The following BPIFB1 variants were observed in gnomAD, a reference collection of about 807,000 sequenced individuals.
BPIFB1 encodes the protein BPI fold containing family B member 1.
In BPIFB1, 34 loss-of-function variants were observed where a neutral mutation model predicts 55.1. The observed-to-expected ratio is 0.62, with a 90% CI of 0.47 to 0.82. The LOEUF is 0.82. Ranked by LOEUF, BPIFB1 falls within the 40% of genes least tolerant of loss-of-function variation. BPIFB1 has a pLI of 0.00. For synonymous variants in BPIFB1, 236 were observed against 245.3 expected (o/e 0.96, Z 0.35); for missense variants, 532 against 593.1 (o/e 0.90, Z 1.07).
At chr20:33,287,939 A>G (rs909181783) in intron 2 of BPIFB1, among the ~76,000 whole-genome samples, 15 of 152,214 alleles carry the variant, frequency 9.9e-5, no homozygotes, top group African/African-American at 3.4e-4. Flanking sequence ...ACTGTGCCAA[A>G]TGGCAAAAAA....
At chr20:33,299,205 G>T (rs760433430) in intron 7 of BPIFB1, 3 of 456,468 alleles carry the variant, frequency 6.6e-6, no homozygotes, top group South Asian at 4.6e-5. Context: ...CCCGAGGACG[G>T]GCCCGGAGGT....
chr20:33,306,162 C>A, intron 14 of BPIFB1, 97 bp downstream of exon 14: 1 of 1,270,406 alleles, frequency 7.9e-7, no homozygotes, highest in Non-Finnish European at 1.2e-6. Flanking sequence ...TCATTCATCT[C>A]CCAGCCATCC....
intron 9 of BPIFB1, 79 bp downstream of exon 9, chr20:33,301,491 G>A (rs1309449500): frequency 7.7e-5 from 106 of 1,372,998 alleles, no homozygotes; most frequent in Non-Finnish European, 1.0e-4. Context: ...GTGCCCCTAA[G>A]CAGGAATCCT....
At position 33,304,911 on chromosome 20, in the gene BPIFB1, G is replaced by A. The variant is rs1325163374; in HGVS notation, c.1254+20G>A. The A allele has an allele frequency of 1.1e-5, 18 of 1,613,646 alleles. No homozygotes were observed. The highest frequency in any genetic ancestry group is 2.2e-5 in the East Asian group (1 of 44,896). On this transcript the variant is annotated intron_variant, in intron 13 of 15. Coordinates refer to ENST00000253354, the MANE Select transcript of BPIFB1 (RefSeq NM_033197.3). ...TTCCAAGTAAGTGTTAACAGGTGGT[G>A]CCTGAGGGCACAGGGGGTGGCCTGG...
intron 8 of BPIFB1, among the ~76,000 whole-genome samples, chr20:33,300,784 C>T (rs1162307701): frequency 2.0e-5 from 3 of 152,030 alleles, no homozygotes; most frequent in African/African-American, 7.2e-5. Context: ...GATGGGGTTC[C>T]GCCATGTTGC....
intron 12 of BPIFB1, among the ~76,000 whole-genome samples, chr20:33,304,453 G>A (rs1366629344): frequency 6.6e-6 from 1 of 152,202 alleles, no homozygotes; most frequent in Non-Finnish European, 1.5e-5. Flanking sequence ...GCCCACATAG[G>A]GCTGGGCTGT....
Position 33,286,142 on chromosome 20 carries a change from C to T in BPIFB1, c.69C>T (p.Leu23=), listed in dbSNP as rs1311344767. 6.2e-7 allele frequency: 1 copy of T among 1,614,120 alleles called. No homozygotes were observed. The highest frequency in any genetic ancestry group is 1.7e-5 in the Admixed American group (1 of 60,014). ...CAGCCACCTTGATCCAAGCCACCCT[C>T]AGTCCCACTGCAGTTCTCATCCTCG... ...LLAATLIQAT[L]SPTAVLILGP... is the part of the protein sequence containing the mutation. Residue 23 remains leucine (L), a synonymous_variant, in exon 2 of 16, where the codon CTC becomes CTT. Coordinates refer to ENST00000253354, the MANE Select transcript of BPIFB1 (RefSeq NM_033197.3).
rs776047607 is a variant in BPIFB1, at chr20:33,291,046, G to A, written c.455G>A (p.Arg152His). ...GACACCAGTGCAAGTGGCCCCACCC[G>A]CCTGGTCCTCAGTGACTGTGCCACC... ...RMDTSASGPT[R>H]LVLSDCATSH... Residue 152 changes from arginine (R) to histidine (H), a missense_variant, in exon 5 of 16, where the codon CGC (arginine) becomes CAC (histidine). Arg to His is a conservative substitution (Grantham distance 29). Coordinates refer to ENST00000253354, the MANE Select transcript of BPIFB1 (RefSeq NM_033197.3). The A allele has an allele frequency of 9.9e-6, 16 of 1,613,454 alleles. No individual in the cohort carries two copies. In the Admixed American group the frequency reaches 1.0e-4, roughly 10 times the overall value.
intron 1 of BPIFB1, among the ~76,000 whole-genome samples, chr20:33,285,583 T>A (rs1357255875): frequency 6.7e-6 from 1 of 149,928 alleles, no homozygotes; most frequent in Admixed American, 6.6e-5. Flanking sequence ...CCTGGCGCGG[T>A]GGTGGGTGTC....
Position 33,288,898 on chromosome 20 carries a change from C to G in BPIFB1, c.257+16C>G. 2 of 1,609,470 alleles carry G rather than the reference C, an allele frequency of 1.2e-6. No homozygotes were observed. Among genetic ancestry groups the G allele is most frequent in the Non-Finnish European group, 1.7e-6 (2 of 1,178,258 alleles). ...ACATCATCTGGTGAGTGGAGCAGGA[C>G]CACACCAGGAGCTAGCCCCTTCCCA... On this transcript the variant is annotated intron_variant, in intron 3 of 15. Transcript: ENST00000253354.
Position 33,297,566 on chromosome 20 carries a change from A to C in BPIFB1, c.639A>C (p.Ala213=). 6.2e-7 allele frequency: 1 copy of C among 1,614,216 alleles called. No homozygotes were observed. Among genetic ancestry groups the C allele is most frequent in the Non-Finnish European group, 8.5e-7 (1 of 1,180,026 alleles). Residue 213 remains alanine (A), a synonymous_variant, in exon 7 of 16, where the codon GCA becomes GCC. Transcript: ENST00000253354. ...VIEASFNGMY[A]DLLQLVKVPI... ...AGGCTTCCTTCAATGGCATGTATGC[A>C]GACCTCCTGCAGCTGGTGAAGGGTA...
At chr20:33,289,794 C>A in intron 3 of BPIFB1, 91 bp from the exon 4 acceptor site, 1 of 1,239,276 alleles carries the variant, frequency 8.1e-7, no homozygotes, top group Non-Finnish European at 1.2e-6. Flanking sequence ...GCTGCCTAGG[C>A]ACCCCAGGGA....
chr20:33,297,650 ACTC>A, intron 7 of BPIFB1, 62 bp downstream of exon 7: 2 of 1,579,624 alleles, frequency 1.3e-6, no homozygotes, highest in Non-Finnish European at 1.7e-6. Context: ...CCAGACCCTG[ACTC>A]CACCAAGGGA....
chr20:33,302,945 C>T lies in BPIFB1; in HGVS notation c.1011C>T (p.Ile337=), dbSNP rs765136570. Residue 337 remains isoleucine, a synonymous_variant, in exon 11 of 16, where the codon ATC becomes ATT. Transcript: ENST00000253354. ...CAGATAAGCTGGGATCTACCCAGATCGTGAAGATCCTAACTCAGGACACTC... is the reference window on the plus strand; with the variant it reads ...CAGATAAGCTGGGATCTACCCAGATTGTGAAGATCCTAACTCAGGACACTC... The part of the protein sequence containing the change: ...KAADKLGSTQ[I]VKILTQDTPE... 3.7e-6 allele frequency: 6 copies of T among 1,614,004 alleles called. No homozygotes were observed. Among genetic ancestry groups the T allele is most frequent in the Admixed American group, 1.7e-5 (1 of 60,006 alleles).
rs1473039824 is a variant in BPIFB1 at position 33,295,670 on chromosome 20, A to AAGAAAGAAAGAAAGAAAGAAAGAAAG, written c.598-1844_598-1843insAAGAAAGAAAGAAAGAGAAAGAAAGA. On this transcript the variant is annotated intron_variant, in intron 6 of 15. Transcript: ENST00000253354. ...GAAGAAAGAAAGAAAGAGAGAAAGAAAGAAAGAAAGAGAGAAAAAAAGGGA... is the reference window on the plus strand; with the variant it reads ...GAAGAAAGAAAGAAAGAGAGAAAGAAAGAAAGAAAGAAAGAAAGAAAGAAAGAGAAAGAAAGAGAGAAAAAAAGGGA... Among the ~76,000 whole-genome samples, 142 of 150,526 alleles carry AAGAAAGAAAGAAAGAAAGAAAGAAAG rather than the reference A, an allele frequency of 9.4e-4. 1 individual carries two copies. The highest frequency in any genetic ancestry group is 3.3e-3 in the African/African-American group (134 of 40,418).
chr20:33,295,977 AAGGGAGGGAGGG>A (rs553122297), intron 6 of BPIFB1, among the ~76,000 whole-genome samples: 1 of 110,582 alleles, frequency 9.0e-6, no homozygotes, highest in Non-Finnish European at 1.8e-5. Flanking sequence ...GAAAGGAAGG[AAGGGAGGGAGGG>A]AGGGAGGGAG....
chr20:33,291,824 T>G, intron 5 of BPIFB1, 83 bp from the exon 6 acceptor site: 3 of 1,327,824 alleles, frequency 2.3e-6, no homozygotes, highest in Admixed American at 1.7e-5. Context: ...TCCCTTAGAC[T>G]CAGCCTCCCC....
chr20:33,288,906 G>A lies in BPIFB1; in HGVS notation c.257+24G>A, dbSNP rs900370317. 1.9e-6 allele frequency: 3 copies of A among 1,603,908 alleles called. No homozygotes were observed. In the African/African-American group the frequency reaches 4.0e-5, roughly 21 times the overall value. On this transcript the variant is annotated intron_variant, in intron 3 of 15. Transcript: ENST00000253354. ...TGGTGAGTGGAGCAGGACCACACCA[G>A]GAGCTAGCCCCTTCCCACACCTTTG...
intron 14 of BPIFB1, among the ~76,000 whole-genome samples, chr20:33,306,400 T>G (rs533153730): frequency 6.6e-6 from 1 of 152,282 alleles, no homozygotes; most frequent in Non-Finnish European, 1.5e-5. Context: ...TGCCTGGCCT[T>G]GGTCAAGCTG....
Sources: allele counts gnomAD v4.1 joint callset (sites outside exome capture counted in the v4.1 genomes callset), GRCh38; gene constraint gnomAD v4.1.1; transcripts MANE v1.5; gene names NCBI Gene and HGNC (gene_info 2026-07-23, HGNC 2026-07-21).